The following PLCXD3 variants were observed in gnomAD, a reference collection of about 807,000 sequenced individuals.
PLCXD3 encodes PI-PLC X domain-containing protein 3.
In PLCXD3, 19 loss-of-function variants were observed where a neutral mutation model predicts 25.5. The observed-to-expected ratio is 0.75, with a 90% CI of 0.52 to 1.09. PLCXD3 has a LOEUF of 1.09. Among genes scored for constraint, PLCXD3 ranks in the 50% least tolerant of loss-of-function variants. The pLI is 0.00. For missense variants in PLCXD3, 411 were observed against 388.1 expected (o/e 1.06, Z -0.50); for synonymous variants, 174 against 137.6 (o/e 1.26, Z -1.85).
intron 2 of PLCXD3, among the ~76,000 whole-genome samples, chr5:41,329,880 T>C (rs1743741145): frequency 6.6e-6 from 1 of 150,716 alleles, no homozygotes; most frequent in South Asian, 2.1e-4. Flanking sequence ...TTATTAGAAA[T>C]GTATTATAAA....
chr5:41,469,809 G>T (rs1013727167), intron 1 of PLCXD3, among the ~76,000 whole-genome samples: 7 of 152,110 alleles, frequency 4.6e-5, no homozygotes, highest in Admixed American at 6.5e-5. Flanking sequence ...TGCTAGTGGT[G>T]TTTTCTTTAC....
intron 1 of PLCXD3, among the ~76,000 whole-genome samples, chr5:41,397,463 G>A (rs555814498): frequency 4.9e-4 from 75 of 152,324 alleles, no homozygotes; most frequent in African/African-American, 1.8e-3. Context: ...GAGGATGTAT[G>A]AAAACACTTG....
intron 1 of PLCXD3, among the ~76,000 whole-genome samples, chr5:41,497,361 A>C (rs1470887146): frequency 6.6e-6 from 1 of 151,932 alleles, no homozygotes; most frequent in Non-Finnish European, 1.5e-5. Flanking sequence ...AATGGTAACC[A>C]AAAGAGAATG....
intron 1 of PLCXD3, among the ~76,000 whole-genome samples, chr5:41,451,624 T>C (rs1747633127): frequency 6.6e-6 from 1 of 151,652 alleles, no homozygotes; most frequent in African/African-American, 2.4e-5. Flanking sequence ...CTGGTAGATC[T>C]GAGATCTTTC....
Position 41,330,444 on chromosome 5 carries a change from G to T in PLCXD3, c.813-16674C>A, listed in dbSNP as rs372616459. The stretch of plus-strand genomic sequence containing the variant: ...AACAATAACAGGATCTGAAATTGTG[G>T]CAATAATCAATAGCTTACCAACCAA... On this transcript the variant is annotated intron_variant, in intron 2 of 2. Transcript: ENST00000377801. Among the ~76,000 whole-genome samples the T allele has an allele frequency of 5.3e-5, 8 of 152,212 alleles. No individual in the cohort carries two copies. The East Asian group carries it at 1.5e-3, about 29-fold the overall frequency.
chr5:41,344,112 G>A (rs375520824), intron 2 of PLCXD3, among the ~76,000 whole-genome samples: 7 of 152,088 alleles, frequency 4.6e-5, no homozygotes, highest in East Asian at 3.8e-4. Context: ...TTAAAGGAAC[G>A]ATTTCAGATG....
intron 2 of PLCXD3, among the ~76,000 whole-genome samples, chr5:41,329,644 T>C (rs1054720212): frequency 6.6e-6 from 1 of 151,960 alleles, no homozygotes; most frequent in African/African-American, 2.4e-5. Context: ...AATTTTCAAA[T>C]TGACCAGTCA....
intron 2 of PLCXD3, among the ~76,000 whole-genome samples, chr5:41,319,988 A>G (rs1743416448): frequency 3.9e-5 from 6 of 152,204 alleles, no homozygotes; most frequent in Admixed American, 3.9e-4. Flanking sequence ...CTACATGCCA[A>G]TAAATAGGAA....
chr5:41,443,500 CAT>C (rs1747428159), intron 1 of PLCXD3, among the ~76,000 whole-genome samples: 8 of 152,126 alleles, frequency 5.3e-5, no homozygotes, highest in Admixed American at 5.2e-4. Context: ...AATGAAATAA[CAT>C]GTTATTATTG....
chr5:41,424,840 T>C (rs1746915494), intron 1 of PLCXD3, among the ~76,000 whole-genome samples: 1 of 152,222 alleles, frequency 6.6e-6, no homozygotes, highest in Non-Finnish European at 1.5e-5. Flanking sequence ...GTGTCTTGAT[T>C]TGGGGAAGCA....
In PLCXD3 at chr5:41,382,196, A is replaced by G; in HGVS notation, c.442T>C (p.Tyr148His). Residue 148 changes from tyrosine (Y) to histidine (H), a missense_variant, in exon 2 of 3, where the codon TAT becomes CAT. Tyr to His is a moderately conservative substitution (Grantham distance 83, BLOSUM62 2). Transcript: ENST00000377801. Reference protein sequence around the residue: ...EVVFLDFNHFYGMQKYHHEKL... With the variant: ...EVVFLDFNHFHGMQKYHHEKL... Reference sequence around the variant, plus strand: ...TCATGGTGATATTTCTGCATCCCATAAAAGTGGTTGAAGTCCAAGAACACT... The same window carrying G: ...TCATGGTGATATTTCTGCATCCCATGAAAGTGGTTGAAGTCCAAGAACACT... 9 of 1,613,780 alleles carry G rather than the reference A, an allele frequency of 5.6e-6. No individual in the cohort carries two copies. The highest frequency in any genetic ancestry group is 7.6e-6 in the Non-Finnish European group (9 of 1,179,784).
chr5:41,407,526 C>A (rs1746388136), intron 1 of PLCXD3, among the ~76,000 whole-genome samples: 1 of 152,160 alleles, frequency 6.6e-6, no homozygotes, highest in Admixed American at 6.5e-5. Context: ...CAGAAAGGAT[C>A]ACTTCTTTTT....
intron 2 of PLCXD3, among the ~76,000 whole-genome samples, chr5:41,375,015 A>G (rs1745244507): frequency 6.6e-6 from 1 of 152,084 alleles, no homozygotes; most frequent in African/African-American, 2.4e-5. Flanking sequence ...AAAACTTCCA[A>G]GAGACTAGAC....
chr5:41,353,049 A>T (rs1238892410), intron 2 of PLCXD3, among the ~76,000 whole-genome samples: 6 of 152,060 alleles, frequency 3.9e-5, no homozygotes, highest in Non-Finnish European at 8.8e-5. Context: ...CTTTTGGTTT[A>T]ACTACTGGAA....
chr5:41,483,603 A>C (rs796418566), intron 1 of PLCXD3, among the ~76,000 whole-genome samples: 12 of 152,284 alleles, frequency 7.9e-5, no homozygotes, highest in African/African-American at 2.6e-4. Context: ...CAGTTTTGCA[A>C]GATGAAAAAT....
At chr5:41,483,467 C>G (rs756032015) in intron 1 of PLCXD3, among the ~76,000 whole-genome samples, 3 of 152,028 alleles carry the variant, frequency 2.0e-5, no homozygotes, top group Non-Finnish European at 2.9e-5. Context: ...AAGGTTGTCG[C>G]TGTAAAAATA....
At chr5:41,356,889 G>T (rs1328414506) in intron 2 of PLCXD3, among the ~76,000 whole-genome samples, 1 of 152,160 alleles carries the variant, frequency 6.6e-6, no homozygotes, top group Non-Finnish European at 1.5e-5. Flanking sequence ...CTCCATGGGG[G>T]TGTGAAGAAC....
At chr5:41,339,196 A>G (rs1233228164) in intron 2 of PLCXD3, among the ~76,000 whole-genome samples, 1 of 152,080 alleles carries the variant, frequency 6.6e-6, no homozygotes, top group East Asian at 1.9e-4. Context: ...TCTGCTTCCA[A>G]AGAAGATATA....
At chr5:41,383,289 G>A (rs368228694) in intron 1 of PLCXD3, among the ~76,000 whole-genome samples, 11 of 152,070 alleles carry the variant, frequency 7.2e-5, no homozygotes, top group African/African-American at 2.4e-4. Flanking sequence ...TCTCTCAACA[G>A]CATAAACTCT....
Sources: allele counts gnomAD v4.1 joint callset (sites outside exome capture counted in the v4.1 genomes callset), GRCh38; gene constraint gnomAD v4.1.1; transcripts MANE v1.5; gene names NCBI Gene and HGNC (gene_info 2026-07-23, HGNC 2026-07-21).